Variants in INSYN2B observed in about 807,000 individuals in gnomAD.
INSYN2B encodes protein INSYN2B.
INSYN2B carries 16 observed loss-of-function variants against 41.2 expected under a neutral mutation model. That is an observed-to-expected ratio of 0.39 (90% confidence interval 0.26 to 0.59). The LOEUF is 0.59. Ranked by LOEUF, INSYN2B falls within the 20% of genes least tolerant of loss-of-function variation. The pLI is 0.57. For missense variants in INSYN2B, 608 were observed against 646.4 expected (o/e 0.94, Z 0.64); for synonymous variants, 245 against 244.4 (o/e 1.00, Z -0.02).
chr5:169,926,438 A>G (rs908811197), intron 1 of INSYN2B, among the ~76,000 whole-genome samples: 1 of 152,178 alleles, frequency 6.6e-6, no homozygotes, highest in Non-Finnish European at 1.5e-5. Flanking sequence ...CCCTGATCAC[A>G]TGAGCCTCGG....
At chr5:169,885,915 G>C (rs1772943953) in intron 1 of INSYN2B, among the ~76,000 whole-genome samples, 1 of 152,078 alleles carries the variant, frequency 6.6e-6, no homozygotes, top group Admixed American at 6.6e-5. Flanking sequence ...AGACTTACGG[G>C]GAAATTGAAG....
At chr5:169,935,917 A>G (rs1252261678) in intron 1 of INSYN2B, among the ~76,000 whole-genome samples, 2 of 152,240 alleles carry the variant, frequency 1.3e-5, no homozygotes. Flanking sequence ...TATCAGCTAC[A>G]TCCTCAAATG....
intron 1 of INSYN2B, among the ~76,000 whole-genome samples, chr5:169,927,459 A>G (rs189498216): frequency 6.6e-5 from 10 of 152,282 alleles, no homozygotes; most frequent in Non-Finnish European, 8.8e-5. Context: ...GACTTTGAGA[A>G]CCACTGCTGT....
intron 1 of INSYN2B, among the ~76,000 whole-genome samples, chr5:169,932,831 AAG>A (rs1464221869): frequency 1.3e-5 from 2 of 152,110 alleles, no homozygotes; most frequent in African/African-American, 4.8e-5. Context: ...CTTTTTAAAA[AAG>A]AGATGTGATA....
At chr5:169,963,724 T>G (rs1047006203) in intron 1 of INSYN2B, among the ~76,000 whole-genome samples, 2 of 152,136 alleles carry the variant, frequency 1.3e-5, no homozygotes, top group African/African-American at 4.8e-5. Flanking sequence ...TCTTCCTCCC[T>G]ACCAGCAGCA....
intron 3 of INSYN2B, among the ~76,000 whole-genome samples, chr5:169,870,424 G>A (rs1771880270): frequency 1.3e-5 from 2 of 152,146 alleles, no homozygotes; most frequent in Admixed American, 6.5e-5. Flanking sequence ...AAACAACAGA[G>A]CGAGGTTCTG....
chr5:169,865,922 A>G (rs1478357758), intron 3 of INSYN2B, among the ~76,000 whole-genome samples: 1 of 152,256 alleles, frequency 6.6e-6, no homozygotes, highest in Non-Finnish European at 1.5e-5. Context: ...ACCCGAGTTC[A>G]TGCTGCTGCA....
chr5:169,906,106 G>T (rs570852951), intron 1 of INSYN2B, among the ~76,000 whole-genome samples: 1 of 152,160 alleles, frequency 6.6e-6, no homozygotes, highest in Non-Finnish European at 1.5e-5. Flanking sequence ...GTTACCAAAC[G>T]GTCCTGAGTT....
At chr5:169,942,651 A>C (rs1012259463) in intron 1 of INSYN2B, among the ~76,000 whole-genome samples, 31 of 152,206 alleles carry the variant, frequency 2.0e-4, no homozygotes, top group Admixed American at 1.5e-3. Flanking sequence ...TTGAGGATGC[A>C]GGGCGGTCTG....
intron 1 of INSYN2B, among the ~76,000 whole-genome samples, chr5:169,963,014 T>C (rs1433439936): frequency 6.6e-6 from 1 of 152,158 alleles, no homozygotes; most frequent in Non-Finnish European, 1.5e-5. Context: ...AATTGACATT[T>C]TGATGCTTAA....
intron 1 of INSYN2B, among the ~76,000 whole-genome samples, chr5:169,959,205 A>T (rs1039566093): frequency 2.0e-5 from 3 of 152,112 alleles, no homozygotes; most frequent in Non-Finnish European, 2.9e-5. Flanking sequence ...ATCCTGGCTA[A>T]CATGGTGAAA....
At chr5:169,934,157 G>A (rs756781673) in intron 1 of INSYN2B, among the ~76,000 whole-genome samples, 31 of 152,100 alleles carry the variant, frequency 2.0e-4, no homozygotes, top group Admixed American at 5.9e-4. Context: ...TCCCAATTAG[G>A]GGTTGGCAGT....
chr5:169,890,344 C>T (rs763782299), intron 1 of INSYN2B, among the ~76,000 whole-genome samples: 1 of 152,168 alleles, frequency 6.6e-6, no homozygotes, highest in African/African-American at 2.4e-5. Flanking sequence ...GATCATTCAC[C>T]TCTGGGCCTT....
chr5:169,969,401 C>T (rs560736093), intron 1 of INSYN2B, among the ~76,000 whole-genome samples: 61 of 151,982 alleles, frequency 4.0e-4, no homozygotes, highest in African/African-American at 1.1e-3. Context: ...GCCGAGATCA[C>T]GCCACTGCAC....
At chr5:169,869,498 C>T (rs761291390) in intron 3 of INSYN2B, among the ~76,000 whole-genome samples, 15 of 152,080 alleles carry the variant, frequency 9.9e-5, no homozygotes, top group Non-Finnish European at 1.5e-4. Context: ...TTTATTCATC[C>T]GTTTGACACA....
chr5:169,942,797 A>T (rs1270240200), intron 1 of INSYN2B, among the ~76,000 whole-genome samples: 1 of 152,180 alleles, frequency 6.6e-6, no homozygotes, highest in Non-Finnish European at 1.5e-5. Flanking sequence ...ACTGTCAGGA[A>T]CCTCAGTCTT....
chr5:169,949,144 T>C (rs553846347), intron 1 of INSYN2B, among the ~76,000 whole-genome samples: 1 of 152,350 alleles, frequency 6.6e-6, no homozygotes, highest in East Asian at 1.9e-4. Context: ...TGAATATTCA[T>C]GCAAAAGTCG....
At chr5:169,961,604 T>C (rs938607300) in intron 1 of INSYN2B, among the ~76,000 whole-genome samples, 2 of 152,306 alleles carry the variant, frequency 1.3e-5, no homozygotes, top group Admixed American at 6.5e-5. Context: ...AGACAAGCAC[T>C]AAACAAGTCT....
chr5:169,867,407 C>CTCTGTCTGTCTG (rs56110833), intron 3 of INSYN2B, among the ~76,000 whole-genome samples: 1 of 149,076 alleles, frequency 6.7e-6, no homozygotes. Context: ...GTGAAAACCT[C>CTCTGTCTGTCTG]TCTGTCTGTC....
Sources: allele counts gnomAD v4.1 joint callset (sites outside exome capture counted in the v4.1 genomes callset), GRCh38; gene constraint gnomAD v4.1.1; transcripts MANE v1.5; gene names NCBI Gene and HGNC (gene_info 2026-07-23, HGNC 2026-07-21).